Variants in GRIA1 observed in about 807,000 individuals in gnomAD.
The protein encoded by GRIA1 is glutamate receptor 1.
A neutral mutation model predicts 99.2 loss-of-function variants in GRIA1; 31 were observed. The ratio of observed to expected loss-of-function variants is 0.31; its 90% CI spans 0.23 to 0.42. The LOEUF is 0.42. GRIA1 is among the 10% of genes least tolerant of loss of function. GRIA1 has a pLI of 1.00. For synonymous variants in GRIA1, 438 were observed against 432.4 expected, an observed-to-expected ratio of 1.01 and a Z score of -0.16; for missense variants, 782 against 1,157.5, an observed-to-expected ratio of 0.68 and a Z score of 4.71.
chr5:153,586,212 C>T (rs1006875642), intron 2 of GRIA1, among the ~76,000 whole-genome samples: 3 of 152,106 alleles, frequency 2.0e-5, no homozygotes, highest in African/African-American at 7.2e-5. Context: ...ATGTAAGCTC[C>T]AAAGGAAGAG....
At chr5:153,619,747 A>C (rs750247256) in intron 2 of GRIA1, among the ~76,000 whole-genome samples, 4 of 152,200 alleles carry the variant, frequency 2.6e-5, no homozygotes, top group Non-Finnish European at 5.9e-5. Context: ...GTGGGAAAAT[A>C]CTACTACAAC....
At chr5:153,803,361 G>T (rs984480080) in intron 15 of GRIA1, among the ~76,000 whole-genome samples, 5 of 152,182 alleles carry the variant, frequency 3.3e-5, no homozygotes, top group African/African-American at 7.2e-5. Flanking sequence ...TTTAGCTTCA[G>T]TAAGAAATTA....
chr5:153,589,429 ACT>A (rs1447926410), intron 2 of GRIA1, among the ~76,000 whole-genome samples: 1 of 151,996 alleles, frequency 6.6e-6, no homozygotes, highest in African/African-American at 2.4e-5. Context: ...AACTTTAAAA[ACT>A]CAACAAATTT....
chr5:153,607,290 G>A (rs1364250463), intron 2 of GRIA1, among the ~76,000 whole-genome samples: 1 of 151,368 alleles, frequency 6.6e-6, no homozygotes, highest in African/African-American at 2.4e-5. Context: ...ATTATTGAGG[G>A]GTTGGTTTTG....
intron 2 of GRIA1, among the ~76,000 whole-genome samples, chr5:153,528,423 C>T (rs1055638736): frequency 6.6e-6 from 1 of 152,122 alleles, no homozygotes; most frequent in African/African-American, 2.4e-5. Context: ...TTTAAGGGTA[C>T]AGGCTCAGAG....
intron 13 of GRIA1, among the ~76,000 whole-genome samples, chr5:153,775,401 T>C (rs920503997): frequency 4.6e-5 from 7 of 152,228 alleles, no homozygotes; most frequent in Admixed American, 2.6e-4. Flanking sequence ...TGTGGTTACA[T>C]GGAGTCTTCT....
At chr5:153,713,943 A>G (rs995912295) in intron 11 of GRIA1, among the ~76,000 whole-genome samples, 4 of 152,142 alleles carry the variant, frequency 2.6e-5, no homozygotes, top group African/African-American at 4.8e-5. Flanking sequence ...AAAAGCTCCT[A>G]CTCTCCTGGA....
chr5:153,594,596 C>T (rs1764267018), intron 2 of GRIA1, among the ~76,000 whole-genome samples: 1 of 151,692 alleles, frequency 6.6e-6, no homozygotes, highest in Non-Finnish European at 1.5e-5. Flanking sequence ...TATTTTCATT[C>T]ATTTGCTTGT....
intron 4 of GRIA1, among the ~76,000 whole-genome samples, chr5:153,651,453 T>C (rs1042811960): frequency 6.6e-6 from 1 of 152,168 alleles, no homozygotes; most frequent in Non-Finnish European, 1.5e-5. Flanking sequence ...GGATTTTTTG[T>C]AGATTCCTTA....
intron 2 of GRIA1, among the ~76,000 whole-genome samples, chr5:153,612,039 A>G (rs1267015873): frequency 6.6e-6 from 1 of 152,188 alleles, no homozygotes; most frequent in Non-Finnish European, 1.5e-5. Context: ...AACTAGGGAG[A>G]ATGCTTGCTT....
At chr5:153,690,971 A>G (rs1267379671) in intron 8 of GRIA1, among the ~76,000 whole-genome samples, 2 of 152,172 alleles carry the variant, frequency 1.3e-5, no homozygotes, top group Non-Finnish European at 2.9e-5. Flanking sequence ...GCCTTACCTG[A>G]TTGTGTATAG....
chr5:153,624,865 G>GT (rs1767438447), intron 2 of GRIA1, among the ~76,000 whole-genome samples: 4 of 152,284 alleles, frequency 2.6e-5, no homozygotes, highest in African/African-American at 9.6e-5. Context: ...AGAGCCTAAG[G>GT]TTTGAGGACT....
intron 11 of GRIA1, among the ~76,000 whole-genome samples, chr5:153,741,386 G>T (rs1469498445): frequency 1.3e-5 from 2 of 152,170 alleles, no homozygotes; most frequent in African/African-American, 4.8e-5. Flanking sequence ...ATATTATCCA[G>T]CAATCCCACT....
Position 153,655,832 on chromosome 5 carries a change from A to T in GRIA1, c.659A>T (p.Glu220Val). The T allele has an allele frequency of 6.2e-6, 10 of 1,613,302 alleles. No homozygotes were observed. The highest frequency in any genetic ancestry group is 8.5e-6 in the Non-Finnish European group (10 of 1,179,458). ...TATGTTTTGTAGATTATAAAGCTAG[A>T]GAAGAATGGCATCGGCTACCACTAC... is the stretch of plus-strand genomic sequence containing the variant. ...NAILGQIIKL[E>V]KNGIGYHYIL... is the part of the protein sequence containing the mutation. Residue 220 changes from glutamate to valine, a missense_variant, in exon 5 of 16, where the codon GAG (glutamate) becomes GTG (valine). Transcript: ENST00000285900.
rs1450193040 is a variant in GRIA1 at position 153,812,598 on chromosome 5, C to CA, written c.*1376dup. Reference sequence around the variant, plus strand: ...AGACCTTTGATCCCAGGTTCTAACTCAAAGAGGCTGACCTTCCCCCAGCTA... The same window carrying CA: ...AGACCTTTGATCCCAGGTTCTAACTCAAAAGAGGCTGACCTTCCCCCAGCTA... On this transcript the variant is annotated 3_prime_UTR_variant, in exon 16 of 16. Transcript: ENST00000285900. 2 of 152,186 alleles carry CA rather than the reference C, an allele frequency of 1.3e-5. No homozygotes were observed. The highest frequency in any genetic ancestry group is 2.4e-5 in the African/African-American group (1 of 41,444). 9.4% of individuals were successfully genotyped at this position (152,186 alleles called of 1,614,324 possible).
chr5:153,557,223 TC>T (rs1178230804), intron 2 of GRIA1, among the ~76,000 whole-genome samples: 5 of 137,574 alleles, frequency 3.6e-5, no homozygotes, highest in Non-Finnish European at 8.6e-5. Context: ...TTATAAACAC[TC>T]CACGGTTAGG....
At chr5:153,676,666 G>T (rs925673944) in intron 6 of GRIA1, among the ~76,000 whole-genome samples, 8 of 152,018 alleles carry the variant, frequency 5.3e-5, no homozygotes, top group Admixed American at 5.2e-4. Context: ...TTTCCCAAAT[G>T]AACCAACATT....
intron 2 of GRIA1, among the ~76,000 whole-genome samples, chr5:153,569,141 A>G (rs2149360766): frequency 6.6e-6 from 1 of 152,374 alleles, no homozygotes; most frequent in South Asian, 2.1e-4. Flanking sequence ...CATGGAGAAC[A>G]GAGGCCACAT....
chr5:153,589,131 C>A (rs1763745251), intron 2 of GRIA1, among the ~76,000 whole-genome samples: 1 of 152,030 alleles, frequency 6.6e-6, no homozygotes, highest in Non-Finnish European at 1.5e-5. Flanking sequence ...ATGTTGCTTA[C>A]CATTTATTTA....
Sources: allele counts gnomAD v4.1 joint callset (sites outside exome capture counted in the v4.1 genomes callset), GRCh38; gene constraint gnomAD v4.1.1; transcripts MANE v1.5; gene names NCBI Gene and HGNC (gene_info 2026-07-23, HGNC 2026-07-21).